The following AKAP13 variants were observed in gnomAD, a reference collection of about 807,000 sequenced individuals.
The protein encoded by AKAP13 is A-kinase anchor protein 13.
A neutral mutation model predicts 264.5 loss-of-function variants in AKAP13; 80 were observed. The ratio of observed to expected loss-of-function variants is 0.30; its 90% CI spans 0.25 to 0.36. The LOEUF is 0.36. Ranked by LOEUF, AKAP13 falls within the 10% of genes least tolerant of loss-of-function variation. The probability of loss-of-function intolerance (pLI) is 1.00; values close to 1 mark genes in which losing one functional copy is unlikely to be tolerated. For missense variants in AKAP13, 3,712 were observed against 3,435.2 expected, an observed-to-expected ratio of 1.08 and a Z score of -2.01; for synonymous variants, 1,380 against 1,250.2, an observed-to-expected ratio of 1.10 and a Z score of -2.19.
intron 1 of AKAP13, among the ~76,000 whole-genome samples, chr15:85,459,085 C>T (rs914781845): frequency 6.6e-6 from 1 of 152,260 alleles, no homozygotes; most frequent in African/African-American, 2.4e-5. Flanking sequence ...CTATATCCAT[C>T]TTTCTGGTGC....
At chr15:85,716,681 A>C (rs531384703) in intron 20 of AKAP13, among the ~76,000 whole-genome samples, 5 of 152,126 alleles carry the variant, frequency 3.3e-5, no homozygotes, top group Non-Finnish European at 7.3e-5. Flanking sequence ...TCCTCCTCTA[A>C]AAAGTTTCAG....
Position 85,581,754 on chromosome 15 carries a change from C to T in AKAP13, c.3686C>T (p.Ser1229Phe). ...TCAGGCAGGGAAAGGAGCACTCCCT[C>T]TCTACCTTGCATGGTCTCTGCCCAG... ...PPSGRERSTPSLPCMVSAQDA... is the reference protein window; with the variant it reads ...PPSGRERSTPFLPCMVSAQDA... Residue 1229 changes from serine (S) to phenylalanine (F), a missense_variant, in exon 7 of 37, where the codon TCT (serine) becomes TTT (phenylalanine). Physicochemically the swap from Ser to Phe is radical, Grantham distance 155. Coordinates refer to ENST00000394518, the MANE Select transcript of AKAP13 (RefSeq NM_007200.5). 9 of 1,614,208 alleles carry T rather than the reference C, an allele frequency of 5.6e-6. No individual in the cohort carries two copies. Among genetic ancestry groups the T allele is most frequent in the Non-Finnish European group, 7.6e-6 (9 of 1,180,008 alleles).
intron 4 of AKAP13, among the ~76,000 whole-genome samples, chr15:85,539,564 G>C (rs909604177): frequency 6.6e-6 from 1 of 152,206 alleles, no homozygotes; most frequent in Admixed American, 6.5e-5. Context: ...TCAGAACTTA[G>C]AACATTTTAC....
intron 8 of AKAP13, among the ~76,000 whole-genome samples, chr15:85,630,234 A>AACACACACAC (rs71141472): frequency 0.13 from 15,521 of 118,836 alleles, 1,194 homozygotes; most frequent in Middle Eastern, 0.15. Context: ...GGAAAATTGT[A>AACACACACAC]ACACACACAC....
At chr15:85,676,947 C>G (rs768366067) in intron 14 of AKAP13, 31 of 985,372 alleles carry the variant, frequency 3.1e-5, no homozygotes, top group African/African-American at 5.2e-5. Context: ...CGAGCATGCT[C>G]TAATGTCTTC....
chr15:85,581,430 T>C lies in AKAP13; in HGVS notation c.3362T>C (p.Leu1121Ser). Reference protein sequence around the residue: ...NTQDILIPNVLLSQEKNAVLG... With the variant: ...NTQDILIPNVSLSQEKNAVLG... ...CAAGACATCCTGATTCCAAACGTCT[T>C]GTTGAGCCAAGAGAAGAATGCCGTT... Residue 1121 changes from leucine to serine, a missense_variant, in exon 7 of 37, where the codon TTG becomes TCG. Transcript: ENST00000394518. 6.2e-7 allele frequency: 1 copy of C among 1,614,164 alleles called. No individual in the cohort carries two copies. Among genetic ancestry groups the C allele is most frequent in the Non-Finnish European group, 8.5e-7 (1 of 1,180,014 alleles).
At chr15:85,737,458 G>C (rs771393815) in intron 33 of AKAP13, among the ~76,000 whole-genome samples, 1 of 152,138 alleles carries the variant, frequency 6.6e-6, no homozygotes, top group Non-Finnish European at 1.5e-5. Flanking sequence ...GATGTTGACT[G>C]TGTTTCTTCT....
chr15:85,576,307 A>G (rs1030291134), intron 6 of AKAP13, among the ~76,000 whole-genome samples: 2 of 152,220 alleles, frequency 1.3e-5, no homozygotes, highest in Admixed American at 6.5e-5. Context: ...TATTTTTACA[A>G]CTATTTTAGT....
chr15:85,531,424 G>A (rs1191946077), intron 3 of AKAP13, among the ~76,000 whole-genome samples: 1 of 152,132 alleles, frequency 6.6e-6, no homozygotes, highest in Non-Finnish European at 1.5e-5. Flanking sequence ...GGACTTGATG[G>A]ATGTCTAGCT....
rs371194432 is a variant in AKAP13, at chr15:85,585,867, T to G, written c.4161+44T>G. On this transcript the variant is annotated intron_variant, in intron 8 of 36. Transcript: ENST00000394518. Reference sequence around the variant, plus strand: ...TCTATAAGGGCACAAAATGTGTTTATCCTGTTCTGCTGTGTCTTATTTATG... The same window carrying G: ...TCTATAAGGGCACAAAATGTGTTTAGCCTGTTCTGCTGTGTCTTATTTATG... 48 of 1,604,270 alleles carry G rather than the reference T, an allele frequency of 3.0e-5. No homozygotes were observed. In the African/African-American group the frequency reaches 6.0e-4, roughly 20 times the overall value.
At chr15:85,731,383 T>C (rs1489393287) in intron 30 of AKAP13, among the ~76,000 whole-genome samples, 1 of 152,252 alleles carries the variant, frequency 6.6e-6, no homozygotes, top group African/African-American at 2.4e-5. Flanking sequence ...TTATGTTTTT[T>C]GATATGCATC....
rs549627927 is a variant in AKAP13 at position 85,508,256 on chromosome 15, A to G, written c.34-13172A>G. 1.5e-4 allele frequency among the ~76,000 whole-genome samples: 22 copies of G among 150,198 alleles called. No individual in the cohort carries two copies. In the East Asian group the frequency reaches 4.1e-3, roughly 28 times the overall value. ...CTTCCTGGGCTCCAGCAGTCCTTCTACCTCAGCCTCCTGAGTAGCTGGGAT... is the reference window on the plus strand; with the variant it reads ...CTTCCTGGGCTCCAGCAGTCCTTCTGCCTCAGCCTCCTGAGTAGCTGGGAT... On this transcript the variant is annotated intron_variant, in intron 2 of 36. Coordinates refer to ENST00000394518, the MANE Select transcript of AKAP13 (RefSeq NM_007200.5).
At chr15:85,740,422 A>G (rs1191039238) in intron 34 of AKAP13, 150 bp downstream of exon 34, 1 of 817,218 alleles carries the variant, frequency 1.2e-6, no homozygotes, top group African/African-American at 1.7e-5. Context: ...GTGGTGAGAA[A>G]GTTACAGAAT....
At chr15:85,733,789 G>T (rs2088217440) in intron 30 of AKAP13, among the ~76,000 whole-genome samples, 1 of 150,712 alleles carries the variant, frequency 6.6e-6, no homozygotes, top group Admixed American at 6.6e-5. Flanking sequence ...TTTGTTTGTA[G>T]CTTTGCTATT....
At chr15:85,593,610 G>A (rs115224018) in intron 8 of AKAP13, among the ~76,000 whole-genome samples, 21 of 151,414 alleles carry the variant, frequency 1.4e-4, no homozygotes, top group Non-Finnish European at 2.8e-4. Flanking sequence ...GTTTTCCAAG[G>A]TGTTTTGTTC....
chr15:85,533,569 CTG>C lies in AKAP13; in HGVS notation c.182-11_182-10del. 6.3e-7 allele frequency: 1 copy of C among 1,587,604 alleles called. No individual in the cohort carries two copies. On this transcript the variant is annotated splice_polypyrimidine_tract_variant and intron_variant, in intron 3 of 36. Coordinates refer to ENST00000394518, the MANE Select transcript of AKAP13 (RefSeq NM_007200.5). ...GCTCTAATACTGTTTTATTTGCTGC[CTG>C]TGTTTCCTTTAGGTCATGATTGTTG... is the stretch of plus-strand genomic sequence containing the variant.
chr15:85,466,940 T>TA, intron 1 of AKAP13, among the ~76,000 whole-genome samples: 1 of 152,300 alleles, frequency 6.6e-6, no homozygotes, highest in Non-Finnish European at 1.5e-5. Context: ...CCCAACCTTT[T>TA]AAAAATTTTA....
intron 1 of AKAP13, among the ~76,000 whole-genome samples, chr15:85,386,690 T>G (rs1450365345): frequency 6.6e-6 from 1 of 152,218 alleles, no homozygotes; most frequent in Non-Finnish European, 1.5e-5. Flanking sequence ...TTTATTTTTT[T>G]GTGGATGGAT....
intron 1 of AKAP13, 57 bp downstream of exon 1, chr15:85,380,855 G>C (rs997830023): frequency 2.0e-5 from 3 of 152,244 alleles, no homozygotes; most frequent in Non-Finnish European, 2.9e-5. Context: ...TGTGGGTCGG[G>C]GCGCGGAGCG....
Sources: allele counts gnomAD v4.1 joint callset (sites outside exome capture counted in the v4.1 genomes callset), GRCh38; gene constraint gnomAD v4.1.1; transcripts MANE v1.5; gene names NCBI Gene and HGNC (gene_info 2026-07-23, HGNC 2026-07-21).